KCTD16: variants seen among roughly 807,000 people sequenced by gnomAD.
KCTD16 encodes the protein BTB/POZ domain-containing protein KCTD16.
A neutral mutation model predicts 33.2 loss-of-function variants in KCTD16; 13 were observed. The ratio of observed to expected loss-of-function variants is 0.39; its 90% CI spans 0.25 to 0.62. The LOEUF (loss-of-function observed/expected upper bound fraction) is 0.62, where lower values mean the gene tolerates loss of function less well. Ranked by LOEUF, KCTD16 falls within the 20% of genes least tolerant of loss-of-function variation. The pLI is 0.50. For synonymous variants in KCTD16, 197 were observed against 195.3 expected, an observed-to-expected ratio of 1.01 and a Z score of -0.07; for missense variants, 441 against 525.1, an observed-to-expected ratio of 0.84 and a Z score of 1.57.
At chr5:144,172,166 G>GCAA (rs1022413799) in intron 1 of KCTD16, among the ~76,000 whole-genome samples, 2 of 143,642 alleles carry the variant, frequency 1.4e-5, no homozygotes, top group African/African-American at 2.8e-5. Context: ...AACAAAAATA[G>GCAA]CAACAACAAA....
chr5:144,438,193 C>T (rs76403216), intron 3 of KCTD16, among the ~76,000 whole-genome samples: 1 of 152,168 alleles, frequency 6.6e-6, no homozygotes, highest in Non-Finnish European at 1.5e-5. Context: ...TTAGCCAGCA[C>T]TAGAGCATTT....
At chr5:144,444,253 T>C (rs559442462) in intron 3 of KCTD16, among the ~76,000 whole-genome samples, 41 of 147,170 alleles carry the variant, frequency 2.8e-4, no homozygotes, top group Non-Finnish European at 4.8e-4. Flanking sequence ...CATAGCGATA[T>C]TTCCAATTCA....
intron 3 of KCTD16, among the ~76,000 whole-genome samples, chr5:144,424,278 A>T (rs1367324238): frequency 6.6e-6 from 1 of 152,182 alleles, no homozygotes; most frequent in Non-Finnish European, 1.5e-5. Context: ...TAATTGGGTT[A>T]ATTTCCAGTG....
intron 3 of KCTD16, among the ~76,000 whole-genome samples, chr5:144,410,520 T>C (rs902415351): frequency 6.6e-6 from 1 of 152,190 alleles, no homozygotes; most frequent in African/African-American, 2.4e-5. Flanking sequence ...TAATACTAGA[T>C]TGTACAGTGG....
chr5:144,354,443 G>A (rs1380300904), intron 3 of KCTD16, among the ~76,000 whole-genome samples: 1 of 152,036 alleles, frequency 6.6e-6, no homozygotes, highest in African/African-American at 2.4e-5. Flanking sequence ...TTACCCCTGG[G>A]GTTCACCCCT....
At chr5:144,328,561 C>A (rs930958040) in intron 3 of KCTD16, among the ~76,000 whole-genome samples, 1 of 151,188 alleles carries the variant, frequency 6.6e-6, no homozygotes, top group African/African-American at 2.4e-5. Context: ...TGTATTCCTG[C>A]GAAATTAAGT....
At chr5:144,286,059 C>T (rs992071716) in intron 3 of KCTD16, among the ~76,000 whole-genome samples, 1 of 151,158 alleles carries the variant, frequency 6.6e-6, no homozygotes, top group Non-Finnish European at 1.5e-5. Context: ...CAATCATCAC[C>T]AATTGCCCAG....
chr5:144,421,955 G>A (rs1210903725), intron 3 of KCTD16, among the ~76,000 whole-genome samples: 2 of 152,024 alleles, frequency 1.3e-5, no homozygotes, highest in Non-Finnish European at 2.9e-5. Flanking sequence ...AGCCATAAAG[G>A]CCCTAGATAG....
intron 3 of KCTD16, among the ~76,000 whole-genome samples, chr5:144,346,127 G>A (rs749113903): frequency 3.3e-5 from 5 of 151,834 alleles, no homozygotes; most frequent in Non-Finnish European, 7.4e-5. Context: ...TCTGTGCCTG[G>A]CTTATTTCAC....
chr5:144,211,575 G>A (rs1580791296), intron 3 of KCTD16, among the ~76,000 whole-genome samples: 1 of 152,188 alleles, frequency 6.6e-6, no homozygotes, highest in East Asian at 1.9e-4. Flanking sequence ...TAAATGAATT[G>A]CATGTTCAAA....
intron 3 of KCTD16, among the ~76,000 whole-genome samples, chr5:144,246,728 G>T (rs1410941015): frequency 6.6e-6 from 1 of 152,052 alleles, no homozygotes; most frequent in East Asian, 1.9e-4. Context: ...AGCCTTTATT[G>T]ATCTCCTTCT....
intron 2 of KCTD16, among the ~76,000 whole-genome samples, chr5:144,192,402 T>C (rs1233574025): frequency 6.6e-6 from 1 of 152,216 alleles, no homozygotes; most frequent in Non-Finnish European, 1.5e-5. Flanking sequence ...AGTTCTGCCT[T>C]TTTATAGTTT....
chr5:144,376,914 A>G (rs712163), intron 3 of KCTD16, among the ~76,000 whole-genome samples: 33,243 of 152,216 alleles, frequency 0.22, 3,993 homozygotes, highest in Non-Finnish European at 0.27. Context: ...CCCTTGTGCC[A>G]TTCATAATTG....
At chr5:144,269,326 A>G (rs1463582573) in intron 3 of KCTD16, among the ~76,000 whole-genome samples, 3 of 152,110 alleles carry the variant, frequency 2.0e-5, no homozygotes, top group African/African-American at 7.2e-5. Flanking sequence ...AGACAAAGAC[A>G]GAATTTTGAA....
intron 3 of KCTD16, among the ~76,000 whole-genome samples, chr5:144,263,066 G>A (rs1219604747): frequency 6.6e-6 from 1 of 152,230 alleles, no homozygotes; most frequent in African/African-American, 2.4e-5. Context: ...TAATGATTAT[G>A]CCTGGGCAAT....
intron 3 of KCTD16, among the ~76,000 whole-genome samples, chr5:144,386,160 C>G (rs1752319379): frequency 6.6e-6 from 1 of 152,164 alleles, no homozygotes; most frequent in South Asian, 2.1e-4. Context: ...TTAATCTCTT[C>G]TTTTCTACAG....
intron 3 of KCTD16, among the ~76,000 whole-genome samples, chr5:144,218,078 G>A (rs1753620252): frequency 3.3e-5 from 5 of 152,172 alleles, no homozygotes; most frequent in Admixed American, 6.5e-5. Flanking sequence ...GCAGTGGTGG[G>A]CTTTTATATG....
chr5:144,419,000 A>G (rs1346565620), intron 3 of KCTD16, among the ~76,000 whole-genome samples: 1 of 152,164 alleles, frequency 6.6e-6, no homozygotes, highest in Non-Finnish European at 1.5e-5. Flanking sequence ...TTAGTTACAC[A>G]ACTCATCATC....
chr5:144,186,358 A>C (rs1333392507), intron 2 of KCTD16, among the ~76,000 whole-genome samples: 1 of 76,948 alleles, frequency 1.3e-5, no homozygotes, highest in Non-Finnish European at 2.8e-5. Flanking sequence ...TTTTTAAAAA[A>C]AAAAAGAAAA....
Sources: allele counts gnomAD v4.1 joint callset (sites outside exome capture counted in the v4.1 genomes callset), GRCh38; gene constraint gnomAD v4.1.1; transcripts MANE v1.5; gene names NCBI Gene and HGNC (gene_info 2026-07-23, HGNC 2026-07-21).